Variants in SSX7 observed in about 807,000 individuals in gnomAD.
SSX7 encodes the protein protein SSX7.
A neutral mutation model predicts 14.7 loss-of-function variants in SSX7; 15 were observed. The observed-to-expected ratio is 1.02, with a 90% CI of 0.68 to 1.58. SSX7 has a LOEUF of 1.58. Among genes scored for constraint, SSX7 ranks in the 40% most tolerant of loss-of-function variants. SSX7 has a pLI of 0.00. For synonymous variants in SSX7, 46 were observed against 50.6 expected (o/e 0.91, Z 0.38); for missense variants, 178 against 146.8 (o/e 1.21, Z -1.10).
In SSX7 at chrX:52,648,262, G is replaced by T; in HGVS notation, c.465C>A (p.Ser155=). ...PSTSEKINKT[S]GPKRGKHAWT... is the part of the protein sequence containing the mutation. ...TGTTCCCGAATTCTTTCCTCTTACC[G>T]GATGTCTTGTTAATCTTCTCAGAGG... is the stretch of plus-strand genomic sequence containing the variant. Residue 155 remains serine (S), a splice_region_variant and synonymous_variant, in exon 6 of 8, where the codon TCC becomes TCA. Transcript: ENST00000298181. 1.7e-6 allele frequency: 2 copies of T among 1,208,702 alleles called. No homozygotes were observed. The highest frequency in any genetic ancestry group is 2.2e-6 in the Non-Finnish European group (2 of 894,324).
chrX:52,650,626 C>G (rs1167107376), intron 4 of SSX7, among the ~76,000 whole-genome samples: 1 of 112,263 alleles, frequency 8.9e-6, no homozygotes, highest in Non-Finnish European at 1.9e-5. Context: ...GGGGACTAAA[C>G]CCCATCACAG....
At chrX:52,651,794 G>A (rs1310298147) in intron 4 of SSX7, among the ~76,000 whole-genome samples, 16 of 111,500 alleles carry the variant, frequency 1.4e-4, no homozygotes, top group Non-Finnish European at 2.8e-4. Flanking sequence ...AGAATCACTT[G>A]AACCCAGGAG....
intron 5 of SSX7, among the ~76,000 whole-genome samples, chrX:52,649,309 G>A (rs1416613188): frequency 9.0e-6 from 1 of 111,560 alleles, no homozygotes; most frequent in African/African-American, 3.3e-5. Context: ...GATTACAGTC[G>A]CTAGCCACCG....
intron 7 of SSX7, 140 bp downstream of exon 7, chrX:52,645,299 C>T (rs1556766200): frequency 2.0e-6 from 2 of 1,015,394 alleles, no homozygotes; most frequent in South Asian, 2.2e-5. Context: ...GGAAATCTCT[C>T]ATCATTCGGC....
At chrX:52,647,403 T>C (rs180773102) in intron 6 of SSX7, among the ~76,000 whole-genome samples, 1 of 112,625 alleles carries the variant, frequency 8.9e-6, no homozygotes, top group East Asian at 2.8e-4. Flanking sequence ...TCTAGGACTT[T>C]CATAGCTAGA....
In SSX7 at chrX:52,652,294, G is replaced by C. The variant is rs142984842; in HGVS notation, c.238C>G (p.Gln80Glu). ...FMHNTGATDL[Q>E]GNDFDNDRNQ... is the part of the protein sequence containing the mutation. ...CGGTCATTATCAAAATCATTCCCCT[G>C]GAGGTCTGTGGCCCCTGTATTATGC... is the stretch of plus-strand genomic sequence containing the variant. Residue 80 changes from glutamine to glutamate, a missense_variant, in exon 4 of 8, where the codon CAG (glutamine) becomes GAG (glutamate). Gln to Glu is a conservative substitution (Grantham distance 29). Transcript: ENST00000298181. 93 of 1,206,683 alleles carry C rather than the reference G, an allele frequency of 7.7e-5. 1 individual carries two copies. The African/African-American group carries it at 1.6e-3, about 21-fold the overall frequency.
rs782643776 is a variant in SSX7, at chrX:52,645,533, C to G, written c.477G>C (p.Arg159Ser). The G allele has an allele frequency of 9.2e-6, 11 of 1,192,961 alleles. No homozygotes were observed. Among genetic ancestry groups the G allele is most frequent in the East Asian group, 3.0e-5 (1 of 33,521 alleles). ...GTCTGTGGGTCCAGGCATGTTTCCC[C>G]CTTTTGGGTCCTGTGATGGAGAATA... Reference protein sequence around the residue: ...EKINKTSGPKRGKHAWTHRLR... With the variant: ...EKINKTSGPKSGKHAWTHRLR... The change falls in exon 7 of 8, where the codon AGG (arginine) becomes AGC (serine). Residue 159 changes from arginine (R) to serine (S), a missense_variant. Arg to Ser is a moderately radical substitution (Grantham distance 110). Coordinates refer to ENST00000298181, the MANE Select transcript of SSX7 (RefSeq NM_173358.2).
At chrX:52,644,860 T>G (rs1174376048) in intron 7 of SSX7, among the ~76,000 whole-genome samples, 190 bp from the exon 8 acceptor site, 3 of 111,390 alleles carry the variant, frequency 2.7e-5, no homozygotes, top group Non-Finnish European at 5.6e-5. Context: ...TCGCCTGGGT[T>G]ATCCATTCCT....
chrX:52,649,369 G>A (rs782011599), intron 5 of SSX7, among the ~76,000 whole-genome samples: 14 of 111,925 alleles, frequency 1.3e-4, no homozygotes, highest in African/African-American at 4.5e-4. Flanking sequence ...TTATGAGATA[G>A]TGAACAATAC....
chrX:52,645,375 A>G (rs1422762221), intron 7 of SSX7, 64 bp downstream of exon 7: 2 of 1,206,617 alleles, frequency 1.7e-6, no homozygotes, highest in Non-Finnish European at 2.2e-6. Context: ...CAGATGGGAT[A>G]CCAGTATCAT....
intron 6 of SSX7, among the ~76,000 whole-genome samples, chrX:52,646,776 T>A (rs1207985125): frequency 9.0e-6 from 1 of 111,568 alleles, no homozygotes; most frequent in Non-Finnish European, 1.9e-5. Flanking sequence ...TAATGGCCGC[T>A]AAGTATTCAA....
At chrX:52,645,766 G>T (rs1164959421) in intron 6 of SSX7, among the ~76,000 whole-genome samples, 1 of 111,456 alleles carries the variant, frequency 9.0e-6, no homozygotes, top group Non-Finnish European at 1.9e-5. Context: ...CTGTTGTGGG[G>T]TTTAGATTCC....
intron 4 of SSX7, among the ~76,000 whole-genome samples, chrX:52,651,128 G>A (rs1339616181): frequency 8.9e-6 from 1 of 111,871 alleles, no homozygotes; most frequent in African/African-American, 3.3e-5. Context: ...CTGCTCTCTG[G>A]CAAGTGGGAA....
intron 4 of SSX7, among the ~76,000 whole-genome samples, chrX:52,651,742 G>GCA (rs1824696993): frequency 9.0e-6 from 1 of 111,225 alleles, no homozygotes; most frequent in Non-Finnish European, 1.9e-5. Context: ...GGGTGTGGGG[G>GCA]CGGGCACCCG....
Position 52,647,138 on chromosome X carries a change from T to C in SSX7, c.466+1123A>G, listed in dbSNP as rs781911540. ...AATTCAGAGCAAGACCAGAACTCTC[T>C]TCCAGTCCATGAAAGCTGAGAGAGG... is the stretch of plus-strand genomic sequence containing the variant. On this transcript the variant is annotated intron_variant, in intron 6 of 7. Coordinates refer to ENST00000298181, the MANE Select transcript of SSX7 (RefSeq NM_173358.2). 2.7e-5 allele frequency among the ~76,000 whole-genome samples: 3 copies of C among 112,234 alleles called. No individual in the cohort carries two copies. In the East Asian group the frequency reaches 8.4e-4, roughly 31 times the overall value.
chrX:52,652,163 A>G lies in SSX7; in HGVS notation c.280+89T>C, dbSNP rs1448467438. 59 of 812,097 alleles carry G rather than the reference A, an allele frequency of 7.3e-5. No individual in the cohort carries two copies. In the East Asian group the frequency reaches 1.6e-3, roughly 23 times the overall value. The allele number at this position is 812,097 out of a possible 1,213,427, so 66.9% of individuals were successfully genotyped here. ...ACTCAGCCCTGATGTGTATGAGGGA[A>G]CAAATGCCTGAGGATCTTTCCCAAG... On this transcript the variant is annotated intron_variant, in intron 4 of 7. Transcript: ENST00000298181.
At chrX:52,649,573 C>T (rs186572153) in intron 5 of SSX7, among the ~76,000 whole-genome samples, 8 of 111,766 alleles carry the variant, frequency 7.2e-5, no homozygotes, top group African/African-American at 9.7e-5. Context: ...CAGGGGCCTC[C>T]GAGGGATCCC....
intron 5 of SSX7, among the ~76,000 whole-genome samples, chrX:52,649,949 G>A (rs1419869733): frequency 2.7e-5 from 3 of 111,781 alleles, no homozygotes; most frequent in East Asian, 2.8e-4. Context: ...TGATAACTAC[G>A]ATTCTTTACT....
intron 5 of SSX7, 22 bp downstream of exon 5, chrX:52,650,331 T>C (rs782304396): frequency 1.7e-6 from 2 of 1,205,556 alleles, no homozygotes; most frequent in African/African-American, 3.5e-5. Context: ...TCTCTGGTCC[T>C]TTAGATCTGA....
Sources: allele counts gnomAD v4.1 joint callset (sites outside exome capture counted in the v4.1 genomes callset), GRCh38; gene constraint gnomAD v4.1.1; transcripts MANE v1.5; gene names NCBI Gene and HGNC (gene_info 2026-07-23, HGNC 2026-07-21).